The following UNC13B variants were observed in gnomAD, a reference collection of about 807,000 sequenced individuals.
The protein encoded by UNC13B is unc-13 homolog B, also known as protein unc-13 homolog B.
Under a neutral mutation model 211.0 loss-of-function variants are expected in UNC13B, and 144 were observed. That is an observed-to-expected ratio of 0.68 (90% CI 0.60 to 0.78). The LOEUF is 0.78. UNC13B is among the 30% of genes least tolerant of loss of function. The probability of loss-of-function intolerance (pLI) is 0.00; values close to 1 mark genes in which losing one functional copy is unlikely to be tolerated. For synonymous variants in UNC13B, 709 were observed against 725.8 expected (o/e 0.98, Z 0.37); for missense variants, 1,777 against 2,002.0 (o/e 0.89, Z 2.14).
Position 35,377,476 on chromosome 9 carries a change from G to A in UNC13B, c.9844G>A (p.Glu3282Lys). Residue 3282 changes from glutamate to lysine, a missense_variant, in exon 16 of 40, where the codon GAA becomes AAA. Physicochemically the swap from Glu to Lys is moderately conservative, Grantham distance 56. Coordinates refer to ENST00000635942, the MANE Select transcript of UNC13B (RefSeq NM_001371189.2). Reference protein sequence around the residue: ...LNADCLQRAAEKSCKHGAEDR... With the variant: ...LNADCLQRAAKKSCKHGAEDR... ...TTCCTGGCCACCTTCAGGGGCTGCA[G>A]AAAAGAGCTGTAAACATGGAGCTGA... 1 of 1,614,206 alleles carries A rather than the reference G, an allele frequency of 6.2e-7. No individual in the cohort carries two copies. Among genetic ancestry groups the A allele is most frequent in the Non-Finnish European group, 8.5e-7 (1 of 1,180,032 alleles).
intron 8 of UNC13B, among the ~76,000 whole-genome samples, chr9:35,299,434 A>T (rs1186663368): frequency 6.6e-6 from 1 of 152,162 alleles, no homozygotes; most frequent in African/African-American, 2.4e-5. Context: ...CTAAAAATTT[A>T]TCAGCAAATT....
chr9:35,402,873 G>T (rs934363803), intron 37 of UNC13B, among the ~76,000 whole-genome samples: 4 of 152,058 alleles, frequency 2.6e-5, no homozygotes, highest in Non-Finnish European at 5.9e-5. Context: ...CTACCCCAAC[G>T]TCTTTCAGTT....
chr9:35,207,519 A>G lies in UNC13B; in HGVS notation c.23-20496A>G, dbSNP rs1823731372. On this transcript the variant is annotated intron_variant, in intron 1 of 39. Coordinates refer to ENST00000635942, the MANE Select transcript of UNC13B (RefSeq NM_001371189.2). ...ATTTATTTATTTATTTATTTAGTAG[A>G]GATGGGGATCTCCCTGTGTTACCCA... Among the ~76,000 whole-genome samples the G allele has an allele frequency of 8.7e-5, 5 of 57,162 alleles. No individual in the cohort carries two copies. In the South Asian group the frequency reaches 2.7e-3, roughly 31 times the overall value. 37.5% of individuals were successfully genotyped at this position (57,162 alleles called of 152,430 possible). A position where few individuals can be genotyped will look rare whatever the true frequency, so the allele number is the denominator to read the frequency against.
Position 35,403,611 on chromosome 9 carries a change from G to A in UNC13B, c.12737+12G>A. 1.2e-6 allele frequency: 2 copies of A among 1,609,112 alleles called. No individual in the cohort carries two copies. Among genetic ancestry groups the A allele is most frequent in the South Asian group, 2.2e-5 (2 of 90,578 alleles). On this transcript the variant is annotated intron_variant, in intron 39 of 39. Coordinates refer to ENST00000635942, the MANE Select transcript of UNC13B (RefSeq NM_001371189.2). ...GAGACATTCCACTTGTAAGTTACGG[G>A]GGGGACATACAGGACTCTGGGATGG... is the stretch of plus-strand genomic sequence containing the variant.
chr9:35,318,024 G>C (rs1468869172), intron 11 of UNC13B, among the ~76,000 whole-genome samples: 3 of 151,808 alleles, frequency 2.0e-5, no homozygotes, highest in Non-Finnish European at 2.9e-5. Context: ...AGAAGACACA[G>C]TTTAAGTTAT....
At chr9:35,317,592 G>T (rs1353754622) in intron 11 of UNC13B, among the ~76,000 whole-genome samples, 1 of 147,380 alleles carries the variant, frequency 6.8e-6, no homozygotes, top group Non-Finnish European at 1.5e-5. Context: ...GTATGATCTC[G>T]GCTGATTGTA....
In UNC13B at chr9:35,302,718, C is replaced by T; in HGVS notation, c.3314C>T (p.Ala1105Val). ...LGEDKNLIQA[A>V]SSVASDSSLE... ...GAAGATAAGAATCTTATACAAGCAGCATCTTCAGTAGCATCAGACTCTTCA... is the reference window on the plus strand; with the variant it reads ...GAAGATAAGAATCTTATACAAGCAGTATCTTCAGTAGCATCAGACTCTTCA... The change falls in exon 9 of 40, where the codon GCA becomes GTA. Residue 1105 changes from alanine to valine, a missense_variant. Coordinates refer to ENST00000635942, the MANE Select transcript of UNC13B (RefSeq NM_001371189.2). 1 of 398,644 alleles carries T rather than the reference C, an allele frequency of 2.5e-6. No individual in the cohort carries two copies. Among genetic ancestry groups the T allele is most frequent in the Non-Finnish European group, 4.4e-6 (1 of 225,756 alleles). The allele number at this position is 398,644 out of a possible 1,614,324, so 24.7% of individuals were successfully genotyped here. A position where few individuals can be genotyped will look rare whatever the true frequency, so the allele number is the denominator to read the frequency against.
intron 1 of UNC13B, among the ~76,000 whole-genome samples, chr9:35,167,986 G>A (rs1033315954): frequency 2.0e-5 from 3 of 151,134 alleles, no homozygotes; most frequent in East Asian, 2.0e-4. Context: ...TAGTACGATC[G>A]TGGCTCACTG....
At position 35,378,418 on chromosome 9, in the gene UNC13B, G is replaced by A; in HGVS notation, c.10187G>A (p.Trp3396Ter). 1 of 1,614,148 alleles carries A rather than the reference G, an allele frequency of 6.2e-7. No homozygotes were observed. The highest frequency in any genetic ancestry group is 8.5e-7 in the Non-Finnish European group (1 of 1,180,016). Residue 3396 changes from tryptophan to a stop codon, truncating the protein, a stop_gained, in exon 17 of 40, where the codon TGG becomes TAG. Coordinates refer to ENST00000635942, the MANE Select transcript of UNC13B (RefSeq NM_001371189.2). LOFTEE classifies it high-confidence loss of function. Reference protein sequence around the residue: ...KTIFGNLNPVWEEKFHFECHN... With the variant: ...KTIFGNLNPV ...ATTTTTGGAAACTTGAATCCTGTTT[G>A]GGAGGAGAAGTTCCATTTGTAAGTC... is the stretch of plus-strand genomic sequence containing the variant.
intron 1 of UNC13B, 173 bp from the exon 2 acceptor site, chr9:35,227,842 G>T: frequency 2.0e-6 from 1 of 512,058 alleles, no homozygotes; most frequent in Non-Finnish European, 3.4e-6. Context: ...TTAAGGTCTC[G>T]TCTGACTCTT....
chr9:35,345,950 C>T (rs1832330032), intron 11 of UNC13B, among the ~76,000 whole-genome samples: 1 of 152,078 alleles, frequency 6.6e-6, no homozygotes, highest in Non-Finnish European at 1.5e-5. Flanking sequence ...TAGCTTCTGG[C>T]CTATAAATGG....
chr9:35,287,986 A>G (rs575514626), intron 7 of UNC13B, among the ~76,000 whole-genome samples: 8 of 152,080 alleles, frequency 5.3e-5, no homozygotes, highest in Non-Finnish European at 1.2e-4. Context: ...TTCATCCAGT[A>G]GCTCAAGCTA....
intron 26 of UNC13B, among the ~76,000 whole-genome samples, chr9:35,391,976 A>C (rs1026804958): frequency 6.6e-6 from 1 of 152,150 alleles, no homozygotes; most frequent in African/African-American, 2.4e-5. Context: ...ACAAACACAA[A>C]AGGATTGAAA....
chr9:35,340,383 G>A (rs1831914938), intron 11 of UNC13B, among the ~76,000 whole-genome samples: 1 of 152,214 alleles, frequency 6.6e-6, no homozygotes. Context: ...GCAGTAGGGA[G>A]GCACATGTTG....
At chr9:35,241,567 A>G (rs1402461447) in intron 5 of UNC13B, among the ~76,000 whole-genome samples, 1 of 144,440 alleles carries the variant, frequency 6.9e-6, no homozygotes, top group Non-Finnish European at 1.5e-5. Flanking sequence ...GCACACACAC[A>G]CACACACACA....
chr9:35,395,078 G>T (rs1835785328), intron 26 of UNC13B, among the ~76,000 whole-genome samples: 1 of 152,164 alleles, frequency 6.6e-6, no homozygotes, highest in Non-Finnish European at 1.5e-5. Context: ...TTCCAGAACA[G>T]CAGGGGATGG....
At chr9:35,187,381 T>A (rs1241184364) in intron 1 of UNC13B, among the ~76,000 whole-genome samples, 4 of 152,204 alleles carry the variant, frequency 2.6e-5, no homozygotes, top group African/African-American at 9.6e-5. Flanking sequence ...CTTCAGGAGA[T>A]CACCACTTGA....
chr9:35,187,706 A>G (rs934537879), intron 1 of UNC13B, among the ~76,000 whole-genome samples: 14 of 152,350 alleles, frequency 9.2e-5, no homozygotes, highest in African/African-American at 3.4e-4. Flanking sequence ...GAACCCAGCC[A>G]TGGGTTTATA....
In UNC13B at chr9:35,376,069, C is replaced by T; in HGVS notation, c.9657C>T (p.Tyr3219=). The change falls in exon 15 of 40, where the codon TAC becomes TAT. Residue 3219 remains tyrosine (Y), a synonymous_variant. Transcript: ENST00000635942. ...AGAAAACCCTGCAGGCCTTAATCTACCCCATTTCGTGCACCACTCCTCATA... is the reference window on the plus strand; with the variant it reads ...AGAAAACCCTGCAGGCCTTAATCTATCCCATTTCGTGCACCACTCCTCATA... ...VYKKTLQALI[Y]PISCTTPHNF... is the part of the protein sequence containing the mutation. 6.2e-7 allele frequency: 1 copy of T among 1,614,212 alleles called. No individual in the cohort carries two copies. The highest frequency in any genetic ancestry group is 2.2e-5 in the East Asian group (1 of 44,888).
Sources: allele counts gnomAD v4.1 joint callset (sites outside exome capture counted in the v4.1 genomes callset), GRCh38; gene constraint gnomAD v4.1.1; transcripts MANE v1.5; gene names NCBI Gene and HGNC (gene_info 2026-07-23, HGNC 2026-07-21).